Variants in CPNE4 observed in about 807,000 individuals in gnomAD.
The protein encoded by CPNE4 is copine-4.
A neutral mutation model predicts 67.9 loss-of-function variants in CPNE4; 25 were observed. That is an observed-to-expected ratio of 0.37 (90% CI 0.27 to 0.51). The LOEUF is 0.51. Among genes scored for constraint, CPNE4 ranks in the 20% least tolerant of loss-of-function variants. The pLI is 0.93. For synonymous variants in CPNE4, 242 were observed against 244.9 expected (o/e 0.99, Z 0.11); for missense variants, 464 against 690.8 (o/e 0.67, Z 3.68).
chr3:131,854,032 G>A (rs2086341530), intron 2 of CPNE4, among the ~76,000 whole-genome samples: 1 of 151,744 alleles, frequency 6.6e-6, no homozygotes, highest in East Asian at 1.9e-4. Context: ...TCATTTTTAT[G>A]TATTTTCCCA....
At chr3:131,799,924 T>TGTGTGTG (rs1560339582) in intron 2 of CPNE4, among the ~76,000 whole-genome samples, 259 of 7,264 alleles carry the variant, frequency 0.036, no homozygotes, top group African/African-American at 0.1. Flanking sequence ...GTGTGTTGTG[T>TGTGTGTG]GTGTGTGTGT....
chr3:131,818,425 G>A (rs79101272), intron 2 of CPNE4, among the ~76,000 whole-genome samples: 3,527 of 152,216 alleles, frequency 0.023, 125 homozygotes, highest in African/African-American at 0.079. Flanking sequence ...GTGCTCTTCT[G>A]TTCAAAAGGT....
intron 1 of CPNE4, among the ~76,000 whole-genome samples, chr3:131,976,335 C>G (rs1344309973): frequency 6.6e-6 from 1 of 151,814 alleles, no homozygotes; most frequent in Non-Finnish European, 1.5e-5. Context: ...TAAAAACAAA[C>G]AAACAAATGA....
chr3:131,880,543 C>A (rs1477329724), intron 2 of CPNE4, among the ~76,000 whole-genome samples: 1 of 152,166 alleles, frequency 6.6e-6, no homozygotes, highest in African/African-American at 2.4e-5. Flanking sequence ...CATCCAACTG[C>A]CTTTTTAAAG....
At chr3:131,597,443 C>T (rs562999423) in intron 7 of CPNE4, among the ~76,000 whole-genome samples, 48 of 152,028 alleles carry the variant, frequency 3.2e-4, no homozygotes, top group African/African-American at 1.2e-3. Flanking sequence ...ACATGTAACC[C>T]GGAACTTAAA....
intron 2 of CPNE4, among the ~76,000 whole-genome samples, chr3:131,852,139 T>A (rs1168215187): frequency 2.0e-5 from 3 of 152,066 alleles, no homozygotes; most frequent in Admixed American, 6.6e-5. Context: ...CTTAAAATAT[T>A]TTCTATGTAC....
chr3:131,911,431 A>G (rs747394186), intron 1 of CPNE4, among the ~76,000 whole-genome samples: 18 of 152,174 alleles, frequency 1.2e-4, no homozygotes, highest in Non-Finnish European at 2.5e-4. Flanking sequence ...TCTGACCTAC[A>G]GAAACAGTGA....
intron 12 of CPNE4, among the ~76,000 whole-genome samples, chr3:131,554,278 A>G (rs1255177329): frequency 2.0e-5 from 3 of 152,102 alleles, no homozygotes; most frequent in Non-Finnish European, 2.9e-5. Context: ...TGTATCGGTC[A>G]TCTTTTAATC....
intron 1 of CPNE4, among the ~76,000 whole-genome samples, chr3:131,908,888 C>A (rs2088867030): frequency 6.6e-6 from 1 of 152,012 alleles, no homozygotes; most frequent in African/African-American, 2.4e-5. Context: ...CTGTAAAGAG[C>A]AGATTAAATA....
chr3:131,829,214 G>A (rs1378243147), intron 2 of CPNE4, among the ~76,000 whole-genome samples: 1 of 152,170 alleles, frequency 6.6e-6, no homozygotes, highest in South Asian at 2.1e-4. Context: ...CATGACATGT[G>A]GGAATACTGG....
At chr3:131,686,069 T>C (rs1316992306) in intron 5 of CPNE4, 111 bp from the exon 6 acceptor site, 3 of 651,170 alleles carry the variant, frequency 4.6e-6, no homozygotes, top group Non-Finnish European at 8.1e-6. Context: ...CTATTTTTTA[T>C]ATGTGGAAGG....
At chr3:131,605,296 AG>A (rs1939433929) in intron 7 of CPNE4, among the ~76,000 whole-genome samples, 1 of 152,030 alleles carries the variant, frequency 6.6e-6, no homozygotes, top group Admixed American at 6.6e-5. Context: ...CTTTTATTTT[AG>A]GTGCAGCTTT....
At chr3:131,854,219 A>C (rs2086349001) in intron 2 of CPNE4, among the ~76,000 whole-genome samples, 1 of 151,918 alleles carries the variant, frequency 6.6e-6, no homozygotes, top group Non-Finnish European at 1.5e-5. Flanking sequence ...TGGATATTTA[A>C]AACAACACAG....
intron 2 of CPNE4, among the ~76,000 whole-genome samples, chr3:131,747,337 T>A (rs2082516952): frequency 6.6e-6 from 1 of 152,180 alleles, no homozygotes. Context: ...GAGGTTTTAT[T>A]CAAAAATTCT....
At chr3:131,652,985 T>C (rs1253201818) in intron 7 of CPNE4, among the ~76,000 whole-genome samples, 1 of 152,186 alleles carries the variant, frequency 6.6e-6, no homozygotes, top group Non-Finnish European at 1.5e-5. Context: ...TTCAGTGGTC[T>C]GATTTTAAGG....
intron 1 of CPNE4, among the ~76,000 whole-genome samples, chr3:132,032,304 T>G (rs1307618938): frequency 3.3e-5 from 5 of 152,168 alleles, no homozygotes; most frequent in African/African-American, 1.2e-4. Flanking sequence ...AGAATAAAAA[T>G]AAGGTTGACC....
In CPNE4 at chr3:131,839,810, G is replaced by A. The variant is rs371493749; in HGVS notation, c.180+65454C>T. 1.6e-4 allele frequency among the ~76,000 whole-genome samples: 25 copies of A among 152,230 alleles called. 1 individual carries two copies. The highest frequency in any genetic ancestry group is 6.0e-4 in the African/African-American group (25 of 41,550). ...CCTAGTTATTGTGTTGCCACTACCA[G>A]GTAACCCCAGGCAGATTGTTAAAAT... is the stretch of plus-strand genomic sequence containing the variant. On this transcript the variant is annotated intron_variant, in intron 2 of 15. Coordinates refer to ENST00000429747, the MANE Select transcript of CPNE4 (RefSeq NM_130808.3).
chr3:131,612,417 A>G (rs192515016), intron 7 of CPNE4, among the ~76,000 whole-genome samples: 2 of 152,228 alleles, frequency 1.3e-5, no homozygotes, highest in East Asian at 1.9e-4. Flanking sequence ...TATTGAAGCT[A>G]CTATGCAATA....
rs1252018895 is a variant in CPNE4 at position 131,684,677 on chromosome 3, C to T, written c.591+1198G>A. ...CACCTTATGAAAGTCATGGGGGTTTCTTTTTTATTTTCACTCTGCAAATGG... is the reference window on the plus strand; with the variant it reads ...CACCTTATGAAAGTCATGGGGGTTTTTTTTTTATTTTCACTCTGCAAATGG... On this transcript the variant is annotated intron_variant, in intron 6 of 15. Coordinates refer to ENST00000429747, the MANE Select transcript of CPNE4 (RefSeq NM_130808.3). 3.3e-5 allele frequency among the ~76,000 whole-genome samples: 5 copies of T among 152,126 alleles called. No individual in the cohort carries two copies. The East Asian group carries it at 9.6e-4, about 29-fold the overall frequency.
Sources: allele counts gnomAD v4.1 joint callset (sites outside exome capture counted in the v4.1 genomes callset), GRCh38; gene constraint gnomAD v4.1.1; transcripts MANE v1.5; gene names NCBI Gene and HGNC (gene_info 2026-07-23, HGNC 2026-07-21).